FCHSD2: variants seen among roughly 807,000 people sequenced by gnomAD.
FCHSD2 encodes FCH and double SH3 domains 2.
FCHSD2 carries 38 observed loss-of-function variants against 108.1 expected under a neutral mutation model. The ratio of observed to expected loss-of-function variants is 0.35; its 90% CI spans 0.27 to 0.46. FCHSD2 has a LOEUF of 0.46. Ranked by LOEUF, FCHSD2 falls within the 20% of genes least tolerant of loss-of-function variation. FCHSD2 has a pLI of 1.00. For synonymous variants in FCHSD2, 279 were observed against 314.7 expected (o/e 0.89, Z 1.20); for missense variants, 751 against 897.8 (o/e 0.84, Z 2.09).
chr11:73,096,879 T>C (rs906621517), intron 2 of FCHSD2, among the ~76,000 whole-genome samples: 1 of 151,742 alleles, frequency 6.6e-6, no homozygotes, highest in African/African-American at 2.4e-5. Context: ...TCTGAGTCTT[T>C]TTATCATGAA....
chr11:72,859,780 T>A (rs1443466856), intron 13 of FCHSD2, among the ~76,000 whole-genome samples: 5 of 152,250 alleles, frequency 3.3e-5, no homozygotes, highest in Admixed American at 1.3e-4. Flanking sequence ...CTAGAAGCAC[T>A]AAAAAGGATT....
chr11:72,854,052 T>A (rs1018062790), intron 13 of FCHSD2, among the ~76,000 whole-genome samples: 3 of 152,198 alleles, frequency 2.0e-5, no homozygotes, highest in Admixed American at 6.5e-5. Context: ...TGCTGTTATA[T>A]ATATTTTTAA....
chr11:73,064,328 A>C (rs1200220382), intron 3 of FCHSD2, among the ~76,000 whole-genome samples: 2 of 152,244 alleles, frequency 1.3e-5, no homozygotes, highest in Non-Finnish European at 2.9e-5. Flanking sequence ...CCCACAAAAG[A>C]AAGCAGGAAA....
intron 3 of FCHSD2, among the ~76,000 whole-genome samples, chr11:73,042,685 A>G (rs866173188): frequency 6.6e-6 from 1 of 152,304 alleles, no homozygotes; most frequent in South Asian, 2.1e-4. Context: ...CTTCCAGTCC[A>G]TAAGCATGAG....
At chr11:73,029,122 A>T (rs1164311166) in intron 3 of FCHSD2, among the ~76,000 whole-genome samples, 1 of 152,236 alleles carries the variant, frequency 6.6e-6, no homozygotes, top group Admixed American at 6.5e-5. Flanking sequence ...ACTAAAAACG[A>T]TAAAATGCCA....
intron 14 of FCHSD2, among the ~76,000 whole-genome samples, chr11:72,848,429 A>C (rs992098242): frequency 2.0e-5 from 3 of 152,192 alleles, no homozygotes; most frequent in African/African-American, 7.2e-5. Flanking sequence ...ATCATGACCT[A>C]CTTTAAATGC....
intron 5 of FCHSD2, among the ~76,000 whole-genome samples, chr11:72,992,660 C>T (rs867259350): frequency 1.2e-4 from 19 of 152,028 alleles, no homozygotes; most frequent in African/African-American, 3.9e-4. Context: ...AATGGGGAAA[C>T]GATTCCCTAT....
In FCHSD2 at chr11:72,902,631, C is replaced by T. The variant is rs148968336; in HGVS notation, c.836G>A (p.Arg279Gln). ...CAAAAACAGCTGAAGATTGTAGTCC[C>T]GGACCACCTAAAGAGAAAATAAAAT... is the stretch of plus-strand genomic sequence containing the variant. ...FLLENSSKVVRDYNLQLFLQE... is the reference protein window; with the variant it reads ...FLLENSSKVVQDYNLQLFLQE... Residue 279 changes from arginine to glutamine, a missense_variant, in exon 10 of 20, where the codon CGG becomes CAG. Physicochemically the swap from Arg to Gln is conservative, Grantham distance 43. Transcript: ENST00000409418. The T allele has an allele frequency of 2.2e-5, 34 of 1,566,788 alleles. No individual in the cohort carries two copies. The highest frequency in any genetic ancestry group is 5.7e-5 in the Admixed American group (3 of 53,046).
At chr11:72,981,667 T>A (rs75432004) in intron 8 of FCHSD2, among the ~76,000 whole-genome samples, 1 of 152,196 alleles carries the variant, frequency 6.6e-6, no homozygotes, top group African/African-American at 2.4e-5. Flanking sequence ...TGAAGCACTA[T>A]GTAATACCTA....
chr11:73,033,624 C>T (rs1858418274), intron 3 of FCHSD2, among the ~76,000 whole-genome samples: 1 of 152,138 alleles, frequency 6.6e-6, no homozygotes, highest in Admixed American at 6.5e-5. Flanking sequence ...TCCACACTCC[C>T]AAACCAGGAT....
At chr11:73,120,274 A>G (rs1256699757) in intron 2 of FCHSD2, among the ~76,000 whole-genome samples, 2 of 152,254 alleles carry the variant, frequency 1.3e-5, no homozygotes, top group Non-Finnish European at 2.9e-5. Flanking sequence ...ATGGAAGATT[A>G]CATATTATAA....
At chr11:73,100,650 AC>A (rs1860201405) in intron 2 of FCHSD2, among the ~76,000 whole-genome samples, 1 of 152,142 alleles carries the variant, frequency 6.6e-6, no homozygotes, top group Non-Finnish European at 1.5e-5. Context: ...GGTGTGAGCC[AC>A]CGTGATCGGC....
Position 73,027,150 on chromosome 11 carries a change from G to C in FCHSD2, c.166-11265C>G, listed in dbSNP as rs576734182. 1.6e-4 allele frequency among the ~76,000 whole-genome samples: 24 copies of C among 152,342 alleles called. 1 individual carries two copies. The highest frequency in any genetic ancestry group is 6.8e-3 in the Middle Eastern group (2 of 294). On this transcript the variant is annotated intron_variant, in intron 3 of 19. Transcript: ENST00000409418. ...GAACAGTTTGGAGGGCTCAGAAGAA[G>C]AGAGGAGGATGTCGGAAAGTTTGGA...
At chr11:73,090,326 C>T (rs1237680273) in intron 2 of FCHSD2, among the ~76,000 whole-genome samples, 3 of 149,246 alleles carry the variant, frequency 2.0e-5, no homozygotes, top group African/African-American at 2.5e-5. Flanking sequence ...TCCGGGTTCA[C>T]GCCATTCTCC....
chr11:72,870,259 T>G (rs1478214452), intron 12 of FCHSD2, among the ~76,000 whole-genome samples: 3 of 152,198 alleles, frequency 2.0e-5, no homozygotes, highest in Admixed American at 2.0e-4. Context: ...TAGATCTAAT[T>G]ACAATGTGAT....
chr11:73,113,297 C>T (rs1256403602), intron 2 of FCHSD2, among the ~76,000 whole-genome samples: 1 of 149,618 alleles, frequency 6.7e-6, no homozygotes, highest in East Asian at 2.0e-4. Flanking sequence ...CTCTGTTTCT[C>T]CAGGACTGTT....
chr11:73,017,548 G>T lies in FCHSD2; in HGVS notation c.166-1663C>A, dbSNP rs115426147. Reference sequence around the variant, plus strand: ...TTAGCTTCAATCTCAAGTTCCTCCCGAACTTGGCAACAATTTGGTTTCACT... The same window carrying T: ...TTAGCTTCAATCTCAAGTTCCTCCCTAACTTGGCAACAATTTGGTTTCACT... On this transcript the variant is annotated intron_variant, in intron 3 of 19. Transcript: ENST00000409418. Among the ~76,000 whole-genome samples, 1,175 of 152,150 alleles carry T rather than the reference G, an allele frequency of 7.7e-3. 14 individuals carry two copies. The highest frequency in any genetic ancestry group is 0.026 in the African/African-American group (1,098 of 41,498).
intron 13 of FCHSD2, among the ~76,000 whole-genome samples, chr11:72,866,828 C>T (rs567661276): frequency 3.3e-5 from 5 of 152,250 alleles, no homozygotes; most frequent in Admixed American, 1.3e-4. Flanking sequence ...TCGTCAGTTT[C>T]GCTAGCAAGC....
intron 8 of FCHSD2, chr11:72,940,715 G>A (rs1346414260): frequency 2.0e-5 from 19 of 967,666 alleles, no homozygotes; most frequent in Admixed American, 6.8e-5. Context: ...GGCAGAAAAC[G>A]CCCAGTTCCT....
Sources: allele counts gnomAD v4.1 joint callset (sites outside exome capture counted in the v4.1 genomes callset), GRCh38; gene constraint gnomAD v4.1.1; transcripts MANE v1.5; gene names NCBI Gene and HGNC (gene_info 2026-07-23, HGNC 2026-07-21).